Variants in PRKG1 observed in about 807,000 individuals in gnomAD.
The protein encoded by PRKG1 is protein kinase cGMP-dependent 1.
Under a neutral mutation model 88.1 loss-of-function variants are expected in PRKG1, and 35 were observed. The observed-to-expected ratio is 0.40, with a 90% CI of 0.30 to 0.53. The LOEUF (loss-of-function observed/expected upper bound fraction) is 0.53, where lower values mean the gene tolerates loss of function less well. Ranked by LOEUF, PRKG1 falls within the 20% of genes least tolerant of loss-of-function variation. The probability of loss-of-function intolerance (pLI) is 0.59; values close to 1 mark genes in which losing one functional copy is unlikely to be tolerated. For synonymous variants in PRKG1, 303 were observed against 292.5 expected, an observed-to-expected ratio of 1.04 and a Z score of -0.37; for missense variants, 540 against 839.8, an observed-to-expected ratio of 0.64 and a Z score of 4.41.
intron 2 of PRKG1, among the ~76,000 whole-genome samples, chr10:51,368,996 C>T (rs1394337556): frequency 6.6e-6 from 1 of 151,962 alleles, no homozygotes; most frequent in Non-Finnish European, 1.5e-5. Flanking sequence ...ATCTTCATAA[C>T]ACCAGAAAAA....
At chr10:51,062,189 G>C (rs1843699351) in intron 1 of PRKG1, among the ~76,000 whole-genome samples, 3 of 152,296 alleles carry the variant, frequency 2.0e-5, no homozygotes, top group Admixed American at 2.0e-4. Flanking sequence ...GTCTTATTGA[G>C]TACATGGTTA....
intron 3 of PRKG1, among the ~76,000 whole-genome samples, chr10:51,717,999 C>G (rs980558694): frequency 6.6e-6 from 1 of 152,114 alleles, no homozygotes; most frequent in Non-Finnish European, 1.5e-5. Flanking sequence ...CCCCTTCATT[C>G]ATGTTTATGT....
intron 3 of PRKG1, among the ~76,000 whole-genome samples, chr10:51,711,380 A>G (rs1841746798): frequency 6.6e-6 from 1 of 152,190 alleles, no homozygotes; most frequent in African/African-American, 2.4e-5. Flanking sequence ...CTAGGATTAC[A>G]GGCGTGAGCC....
chr10:51,382,594 A>G (rs182826386), intron 2 of PRKG1, among the ~76,000 whole-genome samples: 137 of 152,256 alleles, frequency 9.0e-4, no homozygotes, highest in Non-Finnish European at 6.5e-4. Context: ...ACCTCAAACA[A>G]TGCTGTGGGG....
intron 1 of PRKG1, among the ~76,000 whole-genome samples, chr10:51,016,153 A>G (rs1226387361): frequency 1.3e-5 from 2 of 151,802 alleles, no homozygotes; most frequent in East Asian, 3.8e-4. Context: ...AACACATTTT[A>G]CTGATTGCAT....
At chr10:51,665,353 T>C (rs1433906246) in intron 3 of PRKG1, among the ~76,000 whole-genome samples, 1 of 152,194 alleles carries the variant, frequency 6.6e-6, no homozygotes, top group Admixed American at 6.5e-5. Flanking sequence ...CCTTGCTCAA[T>C]ATAATTAATA....
chr10:51,276,400 T>C (rs1478808572), intron 2 of PRKG1, among the ~76,000 whole-genome samples: 1 of 152,240 alleles, frequency 6.6e-6, no homozygotes, highest in Admixed American at 6.5e-5. Context: ...GTCTTTACTA[T>C]TGTGAATAGT....
intron 1 of PRKG1, among the ~76,000 whole-genome samples, chr10:51,144,793 A>G (rs150990373): frequency 2.6e-5 from 4 of 152,278 alleles, no homozygotes; most frequent in Admixed American, 6.5e-5. Context: ...GACATGTAGG[A>G]CATTGTAATG....
chr10:51,197,461 G>A (rs1240734808), intron 2 of PRKG1, among the ~76,000 whole-genome samples: 1 of 151,734 alleles, frequency 6.6e-6, no homozygotes, highest in Admixed American at 6.6e-5. Context: ...TAATAGAGGC[G>A]GGGTTTCACC....
intron 4 of PRKG1, among the ~76,000 whole-genome samples, chr10:51,846,516 A>G (rs1225281632): frequency 6.6e-6 from 1 of 152,168 alleles, no homozygotes; most frequent in Non-Finnish European, 1.5e-5. Context: ...CCATTTGTTT[A>G]CCTTAACTCC....
chr10:52,258,771 A>G (rs1841365924), intron 10 of PRKG1, among the ~76,000 whole-genome samples: 2 of 152,114 alleles, frequency 1.3e-5, no homozygotes, highest in Non-Finnish European at 2.9e-5. Context: ...AGCAAACAAA[A>G]TATTATGCTA....
intron 2 of PRKG1, chr10:51,245,443 G>A (rs1184025220): frequency 6.6e-6 from 1 of 152,026 alleles, no homozygotes; most frequent in Non-Finnish European, 1.5e-5. Context: ...GGCCTTCCTT[G>A]CAGTAGTTAA....
At chr10:52,074,606 C>T (rs1274250334) in intron 7 of PRKG1, among the ~76,000 whole-genome samples, 1 of 152,084 alleles carries the variant, frequency 6.6e-6, no homozygotes, top group African/African-American at 2.4e-5. Flanking sequence ...ATGAACTCAG[C>T]CGGTGTTTTG....
chr10:51,166,137 A>C (rs1051390717), intron 2 of PRKG1, among the ~76,000 whole-genome samples: 1 of 152,126 alleles, frequency 6.6e-6, no homozygotes, highest in Non-Finnish European at 1.5e-5. Context: ...TACCTTCAGC[A>C]ACATTGCTGA....
chr10:51,345,348 C>T (rs1304931844), intron 2 of PRKG1, among the ~76,000 whole-genome samples: 1 of 151,918 alleles, frequency 6.6e-6, no homozygotes, highest in African/African-American at 2.4e-5. Context: ...ATTATATTTT[C>T]TAAATAATGA....
chr10:51,420,717 G>T (rs1317769630), intron 2 of PRKG1, among the ~76,000 whole-genome samples: 1 of 152,172 alleles, frequency 6.6e-6, no homozygotes, highest in African/African-American at 2.4e-5. Context: ...TTGCTCTAAA[G>T]AAATACCTGA....
chr10:51,717,810 C>T (rs368061434), intron 3 of PRKG1, among the ~76,000 whole-genome samples: 22 of 146,618 alleles, frequency 1.5e-4, no homozygotes, highest in East Asian at 4.0e-4. Flanking sequence ...CCAGCCTGGG[C>T]GACAGAGCGA....
chr10:51,951,418 A>G (rs1241412434), intron 5 of PRKG1, among the ~76,000 whole-genome samples: 1 of 152,222 alleles, frequency 6.6e-6, no homozygotes, highest in Admixed American at 6.5e-5. Flanking sequence ...TTTTTCTCTT[A>G]AAATTCTTAA....
In PRKG1 at chr10:51,834,395, C is replaced by T. The variant is rs548814727; in HGVS notation, c.698+29705C>T. On this transcript the variant is annotated intron_variant, in intron 4 of 17. Coordinates refer to ENST00000373980, the MANE Select transcript of PRKG1 (RefSeq NM_006258.4). Reference sequence around the variant, plus strand: ...TGGCTCACACCTGTAATCCCAACAACTTTGGGAGGCCGAGGCAAGAGGATC... The same window carrying T: ...TGGCTCACACCTGTAATCCCAACAATTTTGGGAGGCCGAGGCAAGAGGATC... Among the ~76,000 whole-genome samples the T allele has an allele frequency of 8.4e-4, 128 of 152,182 alleles. 1 individual carries two copies. Among genetic ancestry groups the T allele is most frequent in the African/African-American group, 3.1e-3 (127 of 41,520 alleles).
Sources: gnomAD v4.1 joint callset for allele counts (sites outside exome capture counted in the v4.1 genomes callset) on GRCh38, gnomAD v4.1.1 for gene constraint, MANE v1.5 for transcripts, NCBI Gene and HGNC (gene_info 2026-07-23, HGNC 2026-07-21) for gene names.